The following PLEKHA6 variants were observed in gnomAD, a reference collection of about 807,000 sequenced individuals.
PLEKHA6 encodes pleckstrin homology domain containing A6, also known as pleckstrin homology domain-containing family A member 6.
PLEKHA6 carries 60 observed loss-of-function variants against 116.7 expected under a neutral mutation model. The observed-to-expected ratio is 0.51, with a 90% CI of 0.42 to 0.64. The LOEUF is 0.64. PLEKHA6 is among the 30% of genes least tolerant of loss of function. PLEKHA6 has a pLI of 0.00. For synonymous variants in PLEKHA6, 489 were observed against 556.1 expected (o/e 0.88, Z 1.70); for missense variants, 1,338 against 1,422.7 (o/e 0.94, Z 0.96).
chr1:204,232,778 G>A (rs1381132210), intron 17 of PLEKHA6, among the ~76,000 whole-genome samples: 1 of 152,172 alleles, frequency 6.6e-6, no homozygotes, highest in African/African-American at 2.4e-5. Context: ...CCTAGAGGCA[G>A]GGGCTGATGG....
Position 204,219,579 on chromosome 1 carries a change from C to A in PLEKHA6, c.*3209G>T, listed in dbSNP as rs1408129677. 1.3e-5 allele frequency: 2 copies of A among 152,158 alleles called. No homozygotes were observed. Among genetic ancestry groups the A allele is most frequent in the African/African-American group, 4.8e-5 (2 of 41,412 alleles). 9.4% of individuals were successfully genotyped at this position (152,158 alleles called of 1,614,324 possible). ...CCATCTGGGCTCTGTTCATTCAGAG[C>A]AGGATGTTCTAGGCTGGCGACAGGG... is the stretch of plus-strand genomic sequence containing the variant. On this transcript the variant is annotated 3_prime_UTR_variant, in exon 23 of 23. Coordinates refer to ENST00000272203, the MANE Select transcript of PLEKHA6 (RefSeq NM_014935.5).
chr1:204,376,323 G>A (rs1030254862), intron 1 of PLEKHA6, among the ~76,000 whole-genome samples: 1 of 152,172 alleles, frequency 6.6e-6, no homozygotes, highest in Non-Finnish European at 1.5e-5. Context: ...TCCTGAGGTA[G>A]GGCTCAGGAA....
chr1:204,281,427 A>G (rs567080291), intron 1 of PLEKHA6, among the ~76,000 whole-genome samples: 2 of 152,296 alleles, frequency 1.3e-5, no homozygotes, highest in African/African-American at 4.8e-5. Context: ...CAGGAGGCTG[A>G]GGCAGGAGAA....
Position 204,250,608 on chromosome 1 carries a change from G to A in PLEKHA6, c.1531C>T (p.Pro511Ser), listed in dbSNP as rs1664419356. The stretch of plus-strand genomic sequence containing the variant: ...CTGTCCCGGAACACTTCTGGGTATG[G>A]AGGGACCTGCAGGAACATGAGGCCG... ...RRSISSPKVP[P>S]YPEVFRDSLH... Residue 511 changes from proline to serine, a missense_variant, in exon 10 of 23, where the codon CCA (proline) becomes TCA (serine). Physicochemically the swap from Pro to Ser is moderately conservative, Grantham distance 74. Coordinates refer to ENST00000272203, the MANE Select transcript of PLEKHA6 (RefSeq NM_014935.5). 4.3e-6 allele frequency: 7 copies of A among 1,611,862 alleles called. No homozygotes were observed. Among genetic ancestry groups the A allele is most frequent in the Non-Finnish European group, 5.9e-6 (7 of 1,178,526 alleles).
At chr1:204,242,849 C>G (rs930071362) in intron 15 of PLEKHA6, among the ~76,000 whole-genome samples, 3 of 152,254 alleles carry the variant, frequency 2.0e-5, no homozygotes, top group African/African-American at 7.2e-5. Context: ...CCCACAAACA[C>G]TGGCTGCCCA....
intron 1 of PLEKHA6, among the ~76,000 whole-genome samples, chr1:204,276,377 C>T (rs1668006914): frequency 6.6e-6 from 1 of 152,210 alleles, no homozygotes; most frequent in African/African-American, 2.4e-5. Flanking sequence ...CAAGGACACA[C>T]TCCTCAATTT....
At chr1:204,347,592 C>G (rs1049346944) in intron 1 of PLEKHA6, among the ~76,000 whole-genome samples, 1 of 151,312 alleles carries the variant, frequency 6.6e-6, no homozygotes, top group South Asian at 2.1e-4. Context: ...ATTGGGGAAG[C>G]GATAAGTGTC....
chr1:204,299,047 T>C (rs1670561366), intron 1 of PLEKHA6, among the ~76,000 whole-genome samples: 1 of 152,236 alleles, frequency 6.6e-6, no homozygotes, highest in Non-Finnish European at 1.5e-5. Context: ...GATCCAGCCA[T>C]TTCTTTGACC....
chr1:204,359,594 C>A, intron 1 of PLEKHA6, 100 bp downstream of exon 1: 2 of 984,910 alleles, frequency 2.0e-6, no homozygotes, highest in Non-Finnish European at 2.4e-6. Context: ...GCAGTGCAAG[C>A]AGCCCAGGCT....
intron 15 of PLEKHA6, chr1:204,243,255 G>T (rs1434833625): frequency 1.3e-5 from 5 of 399,702 alleles, no homozygotes; most frequent in African/African-American, 1.0e-4. Flanking sequence ...GCCGAGGCGG[G>T]CCAGGTTCCT....
At chr1:204,251,330 G>A (rs1157453315) in intron 9 of PLEKHA6, among the ~76,000 whole-genome samples, 3 of 152,186 alleles carry the variant, frequency 2.0e-5, no homozygotes, top group African/African-American at 7.2e-5. Flanking sequence ...GATGGTTTGG[G>A]AAATGGGCCT....
At chr1:204,317,107 T>G (rs559467019) in intron 1 of PLEKHA6, 1 of 275,114 alleles carries the variant, frequency 3.6e-6, no homozygotes, top group Admixed American at 6.5e-5. Flanking sequence ...GAATGGAACC[T>G]GTGCTCACCA....
intron 1 of PLEKHA6, among the ~76,000 whole-genome samples, chr1:204,373,395 T>G (rs1033633068): frequency 1.3e-5 from 2 of 152,184 alleles, no homozygotes; most frequent in Non-Finnish European, 2.9e-5. Context: ...TGGCTATTTT[T>G]TTTTTGCAGA....
chr1:204,344,681 C>A (rs1215675508), intron 1 of PLEKHA6, among the ~76,000 whole-genome samples: 1 of 151,478 alleles, frequency 6.6e-6, no homozygotes, highest in Non-Finnish European at 1.5e-5. Context: ...TGTTTTCTAA[C>A]CCAAATTAAT....
chr1:204,230,472 T>C lies in PLEKHA6; in HGVS notation c.2524A>G (p.Ser842Gly), dbSNP rs1205668977. 6.3e-7 allele frequency: 1 copy of C among 1,581,712 alleles called. No homozygotes were observed. Among genetic ancestry groups the C allele is most frequent in the Non-Finnish European group, 8.6e-7 (1 of 1,163,654 alleles). ...GCCGGGCTGGCCGGGAGCTGCAGGC[T>C]CCTCCGCTTCTCCCTCATGGAGCCA... ...QSGSMREKRR[S>G]LQLPASPAPD... The change falls in exon 18 of 23, where the codon AGC becomes GGC. Residue 842 changes from serine to glycine, a missense_variant. Ser to Gly is a moderately conservative substitution (Grantham distance 56). Around this residue, in one of 3 missense-constraint regions of PLEKHA6, gnomAD observed 1,136 missense variants for 1,163.6 expected, o/e 0.98. Coordinates refer to ENST00000272203, the MANE Select transcript of PLEKHA6 (RefSeq NM_014935.5).
chr1:204,283,296 C>G (rs1459156995), intron 1 of PLEKHA6, among the ~76,000 whole-genome samples: 1 of 151,120 alleles, frequency 6.6e-6, no homozygotes, highest in Non-Finnish European at 1.5e-5. Flanking sequence ...CTTCTTGGTT[C>G]CCAATCCAGC....
intron 1 of PLEKHA6, chr1:204,282,894 CAGA>C (rs1668774650): frequency 1.0e-5 from 8 of 777,264 alleles, no homozygotes; most frequent in Non-Finnish European, 1.1e-5. Flanking sequence ...CTAAGCCAGA[CAGA>C]AGCAGAGAAA....
rs34282538 is a variant in PLEKHA6, at chr1:204,358,397, G to A, written c.-95+1297C>T. Among the ~76,000 whole-genome samples, 1,240 of 152,280 alleles carry A rather than the reference G, an allele frequency of 8.1e-3. 14 individuals carry two copies. The highest frequency in any genetic ancestry group is 0.012 in the Non-Finnish European group (844 of 67,998). ...TGCTGAAGCTAAAATGCAGCTGCTC[G>A]GGGGTGAAAGCTGGCGACTGAACCG... is the stretch of plus-strand genomic sequence containing the variant. On this transcript the variant is annotated intron_variant, in intron 1 of 22. Transcript: ENST00000272203.
At position 204,261,553 on chromosome 1, in the gene PLEKHA6, G is replaced by T; in HGVS notation, c.382-105C>A. On this transcript the variant is annotated intron_variant, in intron 6 of 22. Transcript: ENST00000272203. The surrounding 1 kb of genome is among the most constrained non-coding windows in gnomAD (Gnocchi z 4.0). Reference sequence around the variant, plus strand: ...ACGCCCACAGAATGGGCAGTCAGTTGGGCCATTCCCTGCACCTGGGGCTCT... The same window carrying T: ...ACGCCCACAGAATGGGCAGTCAGTTTGGCCATTCCCTGCACCTGGGGCTCT... The T allele has an allele frequency of 7.7e-7, 1 of 1,301,890 alleles. No individual in the cohort carries two copies. The highest frequency in any genetic ancestry group is 1.1e-6 in the Non-Finnish European group (1 of 947,668). The allele number at this position is 1,301,890 out of a possible 1,614,324, so 80.6% of individuals were successfully genotyped here.
Sources: gnomAD v4.1 joint callset for allele counts (sites outside exome capture counted in the v4.1 genomes callset) on GRCh38, gnomAD v4.1.1 for gene constraint, gnomAD v4.1.1 regional missense constraint, Gnocchi (gnomAD v3.1) non-coding constraint, MANE v1.5 for transcripts, NCBI Gene and HGNC (gene_info 2026-07-23, HGNC 2026-07-21) for gene names.